Variants in ANK2 observed in about 807,000 individuals in gnomAD.
ANK2 encodes the protein ankyrin 2, also known as ankyrin-2.
ANK2 carries 83 observed loss-of-function variants against 360.5 expected under a neutral mutation model. That is an observed-to-expected ratio of 0.23 (90% CI 0.19 to 0.28). The LOEUF (loss-of-function observed/expected upper bound fraction) is 0.28. Among genes scored for constraint, ANK2 ranks in the 10% least tolerant of loss-of-function variants. ANK2 has a pLI of 1.00. For synonymous variants in ANK2, 1,740 were observed against 1,759.5 expected, an observed-to-expected ratio of 0.99 and a Z score of 0.28; for missense variants, 4,201 against 4,795.7, an observed-to-expected ratio of 0.88 and a Z score of 3.66.
chr4:112,812,073 T>G, the ANK2 span, among the ~76,000 whole-genome samples: 1 of 27,156 alleles, frequency 3.7e-5, no homozygotes, highest in Non-Finnish European at 5.4e-5. Flanking sequence ...AGACTCCGTC[T>G]CAAAAAAAAA....
intron 32 of ANK2, among the ~76,000 whole-genome samples, chr4:113,341,084 C>T (rs1290986627): frequency 6.6e-6 from 1 of 152,122 alleles, no homozygotes; most frequent in East Asian, 1.9e-4. Flanking sequence ...ATCATAAAGT[C>T]ATTATAGCCA....
intron 1 of ANK2, among the ~76,000 whole-genome samples, chr4:112,879,238 C>G (rs1172880700): frequency 6.6e-6 from 1 of 152,160 alleles, no homozygotes; most frequent in East Asian, 1.9e-4. Flanking sequence ...TGTGAACCTA[C>G]AGGATATTGC....
chr4:113,330,558 C>T (rs1050178687), intron 27 of ANK2, 88 bp downstream of exon 27: 37 of 1,354,002 alleles, frequency 2.7e-5, no homozygotes, highest in African/African-American at 2.3e-4. Context: ...GAAAAAGGTA[C>T]GTCAAACCAT....
chr4:113,353,598 T>C lies in ANK2; in HGVS notation c.4980T>C (p.Asp1660=), dbSNP rs759620849. The C allele has an allele frequency of 1.2e-6, 2 of 1,613,886 alleles. No individual in the cohort carries two copies. The highest frequency in any genetic ancestry group is 1.7e-6 in the Non-Finnish European group (2 of 1,179,946). Residue 1660 remains aspartate (D), a synonymous_variant, in exon 38 of 46, where the codon GAT becomes GAC. Transcript: ENST00000357077. ...LPKEQLQTVQ[D]KAGKKCEALA... is the part of the protein sequence containing the mutation. ...AAGAGCAGCTGCAGACAGTTCAAGA[T>C]AAGGCAGGGAAGAAATGTGAGGCTC...
chr4:113,313,871 T>G (rs1022225731), intron 24 of ANK2, among the ~76,000 whole-genome samples: 1 of 152,228 alleles, frequency 6.6e-6, no homozygotes, highest in Non-Finnish European at 1.5e-5. Flanking sequence ...TAAATATTTT[T>G]ATGTATTGAA....
intron 1 of ANK2, among the ~76,000 whole-genome samples, chr4:113,077,257 T>A (rs313963): frequency 0.66 from 100,625 of 151,966 alleles, 33,629 homozygotes; most frequent in Non-Finnish European, 0.71. Flanking sequence ...AAATAAGATT[T>A]AAAAAGTTAA....
At chr4:113,380,999 A>G (rs1254903037) in intron 45 of ANK2, among the ~76,000 whole-genome samples, 1 of 152,174 alleles carries the variant, frequency 6.6e-6, no homozygotes, top group Non-Finnish European at 1.5e-5. Flanking sequence ...GGGTCAGGGT[A>G]TGACTGTAAG....
intron 2 of ANK2, among the ~76,000 whole-genome samples, chr4:113,034,313 A>G (rs765812069): frequency 6.6e-6 from 1 of 152,018 alleles, no homozygotes; most frequent in Non-Finnish European, 1.5e-5. Flanking sequence ...TAGTTTTTCA[A>G]TTAAACTAAT....
chr4:113,352,489 GAACTA>G (rs1230525953), intron 37 of ANK2, among the ~76,000 whole-genome samples: 1 of 152,100 alleles, frequency 6.6e-6, no homozygotes, highest in Non-Finnish European at 1.5e-5. Context: ...TATATTGGTA[GAACTA>G]AACATACTGA....
Position 113,353,884 on chromosome 4 carries a change from C to T in ANK2, c.5266C>T (p.Pro1756Ser). ...EPLPTVKATS[P>S]LIEETPIGSI... ...CCTTCCCACTGTCAAGGCCACATCT[C>T]CTTTGATAGAAGAAACTCCCATTGG... Residue 1756 changes from proline to serine, a missense_variant, in exon 38 of 46, where the codon CCT becomes TCT. This residue lies in a region of ANK2 where 2,642 missense variants were observed against 2,714.5 expected (regional missense o/e 0.97). Transcript: ENST00000357077. The T allele has an allele frequency of 1.9e-6, 3 of 1,614,072 alleles. No homozygotes were observed. The highest frequency in any genetic ancestry group is 2.5e-6 in the Non-Finnish European group (3 of 1,179,942).
the ANK2 span, among the ~76,000 whole-genome samples, chr4:112,800,888 C>G: frequency 1.3e-5 from 2 of 152,114 alleles, no homozygotes; most frequent in South Asian, 2.1e-4. Flanking sequence ...CTCCTGACCT[C>G]AGGTAATCCA....
the ANK2 span, among the ~76,000 whole-genome samples, chr4:112,794,315 A>T: frequency 6.0e-4 from 92 of 152,346 alleles, no homozygotes; most frequent in African/African-American, 2.1e-3. Flanking sequence ...TGATGTCCTT[A>T]AAGTAGTATT....
chr4:113,291,849 G>A (rs556324494), intron 20 of ANK2, among the ~76,000 whole-genome samples: 14 of 152,238 alleles, frequency 9.2e-5, no homozygotes, highest in East Asian at 7.7e-4. Flanking sequence ...GTTTCATCAC[G>A]TCTGAAATGG....
At chr4:113,359,787 T>C (rs2096079704) in intron 38 of ANK2, among the ~76,000 whole-genome samples, 1 of 152,218 alleles carries the variant, frequency 6.6e-6, no homozygotes, top group Non-Finnish European at 1.5e-5. Flanking sequence ...TAACATGAAA[T>C]TCTAATTGTT....
intron 4 of ANK2, chr4:113,214,578 G>T: frequency 1.9e-6 from 1 of 523,290 alleles, no homozygotes; most frequent in Non-Finnish European, 3.4e-6. Context: ...GTTTTGTCAT[G>T]GTATTTGACT....
chr4:112,848,026 A>G (rs975492339), intron 1 of ANK2, among the ~76,000 whole-genome samples: 1 of 152,202 alleles, frequency 6.6e-6, no homozygotes, highest in Non-Finnish European at 1.5e-5. Context: ...AGAATGACTC[A>G]CCTGAAAGAG....
At position 113,237,148 on chromosome 4, in the gene ANK2, C is replaced by T. The variant is rs143794708; in HGVS notation, c.645C>T (p.Asp215=). The change falls in exon 6 of 46, where the codon GAC becomes GAT. Residue 215 remains aspartate, a synonymous_variant. Coordinates refer to ENST00000357077, the MANE Select transcript of ANK2 (RefSeq NM_001148.6). ...TKSAALLLQN[D]HNADVQSKMM... is the part of the protein sequence containing the mutation. ...CTGCCGCACTTCTGCTTCAGAATGA[C>T]CACAATGCTGACGTACAATCCAAGG... 10 of 1,614,010 alleles carry T rather than the reference C, an allele frequency of 6.2e-6. No individual in the cohort carries two copies. The African/African-American group carries it at 1.2e-4, about 19-fold the overall frequency.
At chr4:112,924,453 G>A (rs1309010412) in intron 2 of ANK2, among the ~76,000 whole-genome samples, 1 of 151,994 alleles carries the variant, frequency 6.6e-6, no homozygotes, top group Non-Finnish European at 1.5e-5. Context: ...TAGATAACCA[G>A]TGCATATTCT....
At chr4:113,201,952 T>G (rs2098836056) in intron 4 of ANK2, among the ~76,000 whole-genome samples, 1 of 152,202 alleles carries the variant, frequency 6.6e-6, no homozygotes, top group African/African-American at 2.4e-5. Flanking sequence ...CAATTTAAGA[T>G]TTATATTGCA....
Sources: allele counts gnomAD v4.1 joint callset (sites outside exome capture counted in the v4.1 genomes callset), GRCh38; gene constraint gnomAD v4.1.1; regional missense constraint gnomAD v4.1.1; transcripts MANE v1.5; gene names NCBI Gene and HGNC (gene_info 2026-07-23, HGNC 2026-07-21).